Variants in MEGF9 observed in about 807,000 individuals in gnomAD.
MEGF9 encodes the protein multiple epidermal growth factor-like domains protein 9.
A neutral mutation model predicts 46.8 loss-of-function variants in MEGF9; 6 were observed. That is an observed-to-expected ratio of 0.13 (90% confidence interval 0.07 to 0.25). The LOEUF is 0.25. Ranked by LOEUF, MEGF9 falls within the 10% of genes least tolerant of loss-of-function variation. The pLI, the probability that MEGF9 is intolerant of heterozygous loss-of-function variation, is 1.00. For synonymous variants in MEGF9, 302 were observed against 330.7 expected, an observed-to-expected ratio of 0.91 and a Z score of 0.94; for missense variants, 683 against 792.4, an observed-to-expected ratio of 0.86 and a Z score of 1.66.
chr9:120,711,869 A>ACACACACC (rs1205420778), intron 1 of MEGF9, among the ~76,000 whole-genome samples: 160 of 149,944 alleles, frequency 1.1e-3, no homozygotes, highest in African/African-American at 3.3e-3. Context: ...ACACACACAC[A>ACACACACC]CACCCACAGG....
Position 120,607,923 on chromosome 9 carries a change from T to C in MEGF9, c.1175A>G (p.Asn392Ser). 2 of 1,613,992 alleles carry C rather than the reference T, an allele frequency of 1.2e-6. No individual in the cohort carries two copies. Among genetic ancestry groups the C allele is most frequent in the Non-Finnish European group, 1.7e-6 (2 of 1,179,884 alleles). The change falls in exon 5 of 6, where the codon AAT becomes AGT. Residue 392 changes from asparagine (N) to serine (S), a missense_variant. Asn to Ser is a conservative substitution (Grantham distance 46). This residue lies in a region of MEGF9 where 313 missense variants were observed against 421.1 expected (regional missense o/e 0.74). Coordinates refer to ENST00000373930, the MANE Select transcript of MEGF9 (RefSeq NM_001080497.3). Reference sequence around the variant, plus strand: ...GCACTTTCTACAGATGCTGTCAAAATTGTAATAGCCATTTTCACATTTATT... The same window carrying C: ...GCACTTTCTACAGATGCTGTCAAAACTGTAATAGCCATTTTCACATTTATT... ...NCNKCENGYY[N>S]FDSICRKCQC...
chr9:120,710,930 A>C (rs2043950096), intron 1 of MEGF9, among the ~76,000 whole-genome samples: 1 of 152,244 alleles, frequency 6.6e-6, no homozygotes, highest in African/African-American at 2.4e-5. Flanking sequence ...GAGAAGTACA[A>C]ACTACCTAAT....
intron 2 of MEGF9, among the ~76,000 whole-genome samples, chr9:120,645,913 G>C (rs1022263028): frequency 3.3e-5 from 5 of 152,132 alleles, no homozygotes; most frequent in African/African-American, 1.2e-4. Flanking sequence ...GATACAGTGG[G>C]TGGTAGCAAT....
At position 120,605,031 on chromosome 9, in the gene MEGF9, T is replaced by C. The variant is rs1486541164; in HGVS notation, c.*159A>G. The stretch of plus-strand genomic sequence containing the variant: ...ATCTTCATGGGAAAACTAAGAGCAA[T>C]AGATAGGCTAAGCGCATTACAAATT... On this transcript the variant is annotated 3_prime_UTR_variant, in exon 6 of 6. Transcript: ENST00000373930. This position sits in a 1 kb window ranked among gnomAD's most constrained non-coding sequence, Gnocchi z 4.0. 6.0e-6 allele frequency: 4 copies of C among 666,546 alleles called. No homozygotes were observed. Among genetic ancestry groups the C allele is most frequent in the African/African-American group, 3.6e-5 (2 of 55,202 alleles). 41.3% of individuals were successfully genotyped at this position (666,546 alleles called of 1,614,324 possible).
intron 3 of MEGF9, among the ~76,000 whole-genome samples, chr9:120,620,739 C>T (rs1681738424): frequency 1.3e-5 from 2 of 151,792 alleles, no homozygotes; most frequent in Admixed American, 1.3e-4. Context: ...ACCCTGGGAC[C>T]AGGGAACATG....
chr9:120,632,835 T>C (rs954850178), intron 2 of MEGF9, among the ~76,000 whole-genome samples: 3 of 152,242 alleles, frequency 2.0e-5, no homozygotes, highest in Admixed American at 6.5e-5. Context: ...TTTTTCTGCA[T>C]CCACTGAGAT....
At chr9:120,686,989 C>T (rs1015285838) in intron 1 of MEGF9, among the ~76,000 whole-genome samples, 8 of 151,732 alleles carry the variant, frequency 5.3e-5, no homozygotes, top group Admixed American at 2.0e-4. Flanking sequence ...ATATTTAGAT[C>T]AATTCCTGAG....
chr9:120,669,558 C>A (rs1429713082), intron 1 of MEGF9, among the ~76,000 whole-genome samples: 1 of 147,004 alleles, frequency 6.8e-6, no homozygotes, highest in Non-Finnish European at 1.5e-5. Flanking sequence ...TAATATGAGA[C>A]AAAATAGATG....
intron 4 of MEGF9, 130 bp downstream of exon 4, chr9:120,612,266 A>G: frequency 1.3e-6 from 1 of 768,850 alleles, no homozygotes; most frequent in Non-Finnish European, 1.9e-6. Flanking sequence ...CCTGGAAAGG[A>G]AAACTTTTGC....
intron 2 of MEGF9, 50 bp downstream of exon 2, chr9:120,659,324 T>C: frequency 3.3e-6 from 5 of 1,537,070 alleles, no homozygotes; most frequent in Non-Finnish European, 4.4e-6. Flanking sequence ...AGCCTTTTTT[T>C]TCCCCTTGCT....
rs76824692 is a variant in MEGF9 at position 120,688,938 on chromosome 9, A to G, written c.601+24820T>C. ...GGTTTCTAGAGAAAAGATTCCTGGC[A>G]AAGCACATTAATCACTGGTTCAATC... On this transcript the variant is annotated intron_variant, in intron 1 of 5. Coordinates refer to ENST00000373930, the MANE Select transcript of MEGF9 (RefSeq NM_001080497.3). 2.2e-3 allele frequency among the ~76,000 whole-genome samples: 333 copies of G among 152,294 alleles called. 1 individual carries two copies. The highest frequency in any genetic ancestry group is 7.2e-3 in the African/African-American group (301 of 41,568).
intron 1 of MEGF9, among the ~76,000 whole-genome samples, chr9:120,675,759 G>T (rs901547954): frequency 1.2e-4 from 18 of 151,328 alleles, no homozygotes; most frequent in Non-Finnish European, 1.2e-4. Flanking sequence ...GTGGTGGCGG[G>T]CGCCTGTAAT....
chr9:120,657,086 C>G (rs1246088057), intron 2 of MEGF9, among the ~76,000 whole-genome samples: 1 of 152,212 alleles, frequency 6.6e-6, no homozygotes, highest in African/African-American at 2.4e-5. Flanking sequence ...GCAGCCCATA[C>G]AGTCTCTATC....
intron 2 of MEGF9, among the ~76,000 whole-genome samples, chr9:120,647,106 T>C (rs2043629145): frequency 6.6e-6 from 1 of 152,122 alleles, no homozygotes; most frequent in Non-Finnish European, 1.5e-5. Context: ...CACTGTGACA[T>C]GTTAATGTTC....
At chr9:120,659,304 T>G (rs2043691125) in intron 2 of MEGF9, 70 bp downstream of exon 2, 2 of 1,367,844 alleles carry the variant, frequency 1.5e-6, no homozygotes, top group Admixed American at 4.0e-5. Flanking sequence ...GTATGGTCCT[T>G]GAGAGTAGCA....
rs1270048454 is a variant in MEGF9 at position 120,605,961 on chromosome 9, C to A, written c.1358-320G>T. ...GGCCGAGGGTGGTGGATCACGAGGT[C>A]AGGAGTTCAAGACCAGCCTGGCCAA... On this transcript the variant is annotated intron_variant, in intron 5 of 5. Transcript: ENST00000373930. This position sits in a 1 kb window ranked among gnomAD's most constrained non-coding sequence, Gnocchi z 4.0. Among the ~76,000 whole-genome samples the A allele has an allele frequency of 6.6e-6, 1 of 151,986 alleles. No individual in the cohort carries two copies. Among genetic ancestry groups the A allele is most frequent in the East Asian group, 1.9e-4 (1 of 5,190 alleles).
intron 1 of MEGF9, among the ~76,000 whole-genome samples, chr9:120,695,175 C>A (rs1002310454): frequency 6.6e-6 from 1 of 152,064 alleles, no homozygotes; most frequent in Non-Finnish European, 1.5e-5. Context: ...GTATTTACTA[C>A]ATGCTGAACA....
At chr9:120,674,651 C>G (rs536856641) in intron 1 of MEGF9, among the ~76,000 whole-genome samples, 1 of 152,024 alleles carries the variant, frequency 6.6e-6, no homozygotes, top group South Asian at 2.1e-4. Flanking sequence ...TCACTGTAAC[C>G]TCAAACACCT....
In MEGF9 at chr9:120,604,926, G is replaced by A; in HGVS notation, c.*264C>T. ...AAGTGGTTTTGGGCTGCACTATGGG[G>A]TTCAGCCTTTCCATACTCCCATGTG... On this transcript the variant is annotated 3_prime_UTR_variant, in exon 6 of 6. Transcript: ENST00000373930. 1 of 457,790 alleles carries A rather than the reference G, an allele frequency of 2.2e-6. No homozygotes were observed. The highest frequency in any genetic ancestry group is 3.9e-6 in the Non-Finnish European group (1 of 257,224). 28.4% of individuals were successfully genotyped at this position (457,790 alleles called of 1,614,324 possible).
Sources: allele counts gnomAD v4.1 joint callset (sites outside exome capture counted in the v4.1 genomes callset), GRCh38; gene constraint gnomAD v4.1.1; regional missense constraint gnomAD v4.1.1; non-coding constraint Gnocchi (gnomAD v3.1); transcripts MANE v1.5; gene names NCBI Gene and HGNC (gene_info 2026-07-23, HGNC 2026-07-21).